Variants in SNUPN observed in about 807,000 individuals in gnomAD.
The protein encoded by SNUPN is snurportin-1.
In SNUPN, 31 loss-of-function variants were observed where a neutral mutation model predicts 39.2. The observed-to-expected ratio is 0.79, with a 90% CI of 0.59 to 1.07. The LOEUF (loss-of-function observed/expected upper bound fraction) is 1.07. Ranked by LOEUF, SNUPN falls within the 50% of genes least tolerant of loss-of-function variation. SNUPN has a pLI of 0.00. For missense variants in SNUPN, 382 were observed against 434.2 expected (o/e 0.88, Z 1.07); for synonymous variants, 132 against 159.0 (o/e 0.83, Z 1.28).
At chr15:75,613,726 C>G (rs1159281979) in intron 3 of SNUPN, among the ~76,000 whole-genome samples, 4 of 151,444 alleles carry the variant, frequency 2.6e-5, no homozygotes, top group African/African-American at 9.7e-5. Context: ...ATCAAAACCA[C>G]AAGAAACCAC....
rs1244853930 is a variant in SNUPN at position 75,609,662 on chromosome 15, A to G, written c.409-11T>C. 6.3e-7 allele frequency: 1 copy of G among 1,592,906 alleles called. No homozygotes were observed. Among genetic ancestry groups the G allele is most frequent in the Non-Finnish European group, 8.6e-7 (1 of 1,167,368 alleles). ...GGCACTGGTAGAACCCTGCATGGAG[A>G]GAAAGTTACCATTCTTATTAGACCT... On this transcript the variant is annotated splice_polypyrimidine_tract_variant and intron_variant, in intron 4 of 8. Transcript: ENST00000308588.
chr15:75,617,538 T>C lies in SNUPN; in HGVS notation c.173A>G (p.Tyr58Cys). 6.2e-7 allele frequency: 1 copy of C among 1,612,692 alleles called. No individual in the cohort carries two copies. The highest frequency in any genetic ancestry group is 8.5e-7 in the Non-Finnish European group (1 of 1,179,660). Residue 58 changes from tyrosine (Y) to cysteine (C), a missense_variant, in exon 3 of 9, where the codon TAT (tyrosine) becomes TGT (cysteine). By Grantham distance (194) the Tyr-to-Cys change is radical. Coordinates refer to ENST00000308588, the MANE Select transcript of SNUPN (RefSeq NM_005701.4). Reference protein sequence around the residue: ...LELQKSKRLDYVNHARRLAED... With the variant: ...LELQKSKRLDCVNHARRLAED... ...AGCCAGTCTTCTGGCATGGTTCACA[T>C]AATCCAGCCGCTTGCTGGAAGGAAA...
Position 75,602,615 on chromosome 15 carries a change from G to GT in SNUPN, c.679-1398dup, listed in dbSNP as rs1286035370. 1.7e-4 allele frequency among the ~76,000 whole-genome samples: 25 copies of GT among 150,550 alleles called. 1 individual carries two copies. The highest frequency in any genetic ancestry group is 1.5e-3 in the Admixed American group (22 of 15,060). On this transcript the variant is annotated intron_variant, in intron 7 of 8. Coordinates refer to ENST00000308588, the MANE Select transcript of SNUPN (RefSeq NM_005701.4). ...TGGGGTGGGATCCAGGTTTTTTGTT[G>GT]TTTTTTTTGAGACAGAGTTGCGCTC...
chr15:75,620,862 A>T lies in SNUPN; in HGVS notation c.158+32T>A. The stretch of plus-strand genomic sequence containing the variant: ...GAATGGTTCATAGCTCCTAGCCCAG[A>T]GAAAGAAGACAAGGAGTTAAAGCTT... On this transcript the variant is annotated intron_variant, in intron 2 of 8. Transcript: ENST00000308588. 1.9e-6 allele frequency: 3 copies of T among 1,600,600 alleles called. No homozygotes were observed. In the South Asian group the frequency reaches 3.3e-5, roughly 18 times the overall value.
At position 75,621,018 on chromosome 15, in the gene SNUPN, A is replaced by G; in HGVS notation, c.34T>C (p.Phe12Leu). The change falls in exon 2 of 9, where the codon TTT (phenylalanine) becomes CTT (leucine). Residue 12 changes from phenylalanine (F) to leucine (L), a missense_variant. By Grantham distance (22) the Phe-to-Leu change is conservative. Coordinates refer to ENST00000308588, the MANE Select transcript of SNUPN (RefSeq NM_005701.4). ...CTGTTCAGATCTTGAGACACAGAAA[A>G]GCTACTAGCCAGGGCCTGACTCAAC... ...EELSQALASSFSVSQDLNSTA... is the reference protein window; with the variant it reads ...EELSQALASSLSVSQDLNSTA... The G allele has an allele frequency of 6.2e-7, 1 of 1,614,110 alleles. No individual in the cohort carries two copies. Among genetic ancestry groups the G allele is most frequent in the Non-Finnish European group, 8.5e-7 (1 of 1,180,028 alleles).
intron 2 of SNUPN, among the ~76,000 whole-genome samples, chr15:75,620,439 T>C (rs1234431228): frequency 6.6e-6 from 1 of 152,114 alleles, no homozygotes; most frequent in African/African-American, 2.4e-5. Context: ...CAGATTCCCT[T>C]AGGAATTATT....
intron 1 of SNUPN, among the ~76,000 whole-genome samples, chr15:75,624,118 G>A (rs1383018061): frequency 6.7e-6 from 1 of 148,582 alleles, no homozygotes; most frequent in African/African-American, 2.5e-5. Flanking sequence ...CAGTAGAGAC[G>A]GGGTTTCACC....
chr15:75,613,258 CAAAAAAA>C (rs905447706), intron 3 of SNUPN, among the ~76,000 whole-genome samples: 1 of 40,612 alleles, frequency 2.5e-5, no homozygotes, highest in Non-Finnish European at 3.9e-5. Flanking sequence ...GACTCCATCT[CAAAAAAA>C]AAAAAAAAAA....
intron 3 of SNUPN, among the ~76,000 whole-genome samples, chr15:75,615,594 A>ATTTTTTTTTTT (rs141302808): frequency 1.4e-5 from 1 of 73,974 alleles, no homozygotes; most frequent in African/African-American, 5.2e-5. Flanking sequence ...AAGGAATCTC[A>ATTTTTTTTTTT]TTTTTTTTTT....
chr15:75,601,068 G>T, intron 8 of SNUPN, 70 bp downstream of exon 8: 2 of 1,106,958 alleles, frequency 1.8e-6, no homozygotes, highest in South Asian at 2.5e-5. Flanking sequence ...AATATTTTAA[G>T]ACTTTGTGTA....
At chr15:75,598,797 CAG>C in intron 8 of SNUPN, 116 bp from the exon 9 acceptor site, 1 of 724,552 alleles carries the variant, frequency 1.4e-6, no homozygotes, top group Non-Finnish European at 2.2e-6. Flanking sequence ...GGGTCACTGA[CAG>C]AGGAAAGAGT....
At position 75,610,013 on chromosome 15, in the gene SNUPN, G is replaced by A. The variant is rs1366024313; in HGVS notation, c.304-19C>T. The stretch of plus-strand genomic sequence containing the variant: ...GCATCAACTGGAAATGCAAAAAATA[G>A]TGTTAAAGATCAGCAGGGGTGTGCT... On this transcript the variant is annotated intron_variant, in intron 3 of 8. Transcript: ENST00000308588. 1 of 1,582,274 alleles carries A rather than the reference G, an allele frequency of 6.3e-7. No homozygotes were observed. The highest frequency in any genetic ancestry group is 8.7e-7 in the Non-Finnish European group (1 of 1,151,432).
In SNUPN at chr15:75,610,141, T is replaced by G. The variant is rs922851580; in HGVS notation, c.304-147A>C. The G allele has an allele frequency of 5.2e-5, 34 of 657,378 alleles. No homozygotes were observed. The East Asian group carries it at 9.5e-4, about 18-fold the overall frequency. 40.7% of individuals were successfully genotyped at this position (657,378 alleles called of 1,614,324 possible). On this transcript the variant is annotated intron_variant, in intron 3 of 8. Transcript: ENST00000308588. ...AGCCGGGCACGGGGGCTCATGCTTG[T>G]AATCCCAGCACTTTGGGAGGCTGTG... is the stretch of plus-strand genomic sequence containing the variant.
At chr15:75,605,601 G>T (rs1188756432) in intron 6 of SNUPN, among the ~76,000 whole-genome samples, 1 of 151,934 alleles carries the variant, frequency 6.6e-6, no homozygotes, top group Non-Finnish European at 1.5e-5. Context: ...CGCCCACCGG[G>T]CCTCTTCATT....
intron 7 of SNUPN, among the ~76,000 whole-genome samples, chr15:75,604,133 A>G (rs557527870): frequency 6.6e-6 from 1 of 150,780 alleles, no homozygotes; most frequent in East Asian, 1.9e-4. Context: ...ATTCTCCTAT[A>G]ACTGGTTGTC....
intron 3 of SNUPN, among the ~76,000 whole-genome samples, chr15:75,616,146 G>GTTT (rs59630734): frequency 6.8e-6 from 1 of 147,320 alleles, no homozygotes; most frequent in Non-Finnish European, 1.5e-5. Flanking sequence ...ATTCTATTGT[G>GTTT]TTTTTTTTTT....
At chr15:75,619,873 C>T (rs1350365884) in intron 2 of SNUPN, among the ~76,000 whole-genome samples, 2 of 151,978 alleles carry the variant, frequency 1.3e-5, no homozygotes, top group African/African-American at 4.8e-5. Flanking sequence ...CTCAGCCTCC[C>T]GAGTAGCTGG....
chr15:75,624,496 TAA>T (rs59069672), intron 1 of SNUPN, among the ~76,000 whole-genome samples: 1,429 of 123,832 alleles, frequency 0.012, 33 homozygotes, highest in African/African-American at 0.036. Flanking sequence ...CCGTCTCTAC[TAA>T]AAAAAAAAAA....
intron 6 of SNUPN, among the ~76,000 whole-genome samples, chr15:75,606,175 C>A (rs892929469): frequency 6.6e-6 from 1 of 152,162 alleles, no homozygotes; most frequent in Non-Finnish European, 1.5e-5. Context: ...ATAGTACTTA[C>A]CTTACAATAA....
Sources: gnomAD v4.1 joint callset for allele counts (sites outside exome capture counted in the v4.1 genomes callset) on GRCh38, gnomAD v4.1.1 for gene constraint, MANE v1.5 for transcripts, NCBI Gene and HGNC (gene_info 2026-07-23, HGNC 2026-07-21) for gene names.